SLC35F3: variants seen among roughly 807,000 people sequenced by gnomAD.
SLC35F3 encodes putative thiamine transporter SLC35F3.
In SLC35F3, 25 loss-of-function variants were observed where a neutral mutation model predicts 49.9. The ratio of observed to expected loss-of-function variants is 0.50; its 90% confidence interval spans 0.37 to 0.70. SLC35F3 has a LOEUF of 0.70. SLC35F3 is among the 30% of genes least tolerant of loss of function. The probability of loss-of-function intolerance (pLI) is 0.00; values close to 1 mark genes in which losing one functional copy is unlikely to be tolerated. For missense variants in SLC35F3, 525 were observed against 639.8 expected, an observed-to-expected ratio of 0.82 and a Z score of 1.94; for synonymous variants, 275 against 265.4, an observed-to-expected ratio of 1.04 and a Z score of -0.35.
At chr1:234,137,645 C>T (rs995844702) in intron 2 of SLC35F3, among the ~76,000 whole-genome samples, 1 of 152,168 alleles carries the variant, frequency 6.6e-6, no homozygotes, top group African/African-American at 2.4e-5. Context: ...TAAGAGGCAT[C>T]TTCGTGTCGT....
chr1:234,059,653 TAGACATAGACATAGACATAGACATAGAC>T lies in SLC35F3; in HGVS notation c.283+153913_283+153940del, dbSNP rs1325052694. On this transcript the variant is annotated intron_variant, in intron 2 of 7. Transcript: ENST00000366618. Reference sequence around the variant, plus strand: ...ATAGACATAGACATAGACATAGACATAGACATAGACATAGACATAGACATAGACAGACATAGACATAGACAAGCTTACT... The same window carrying T: ...ATAGACATAGACATAGACATAGACATAGACATAGACATAGACAAGCTTACT... Among the ~76,000 whole-genome samples, 244 of 151,608 alleles carry T rather than the reference TAGACATAGACATAGACATAGACATAGAC, an allele frequency of 1.6e-3. 2 individuals carry two copies. The highest frequency in any genetic ancestry group is 3.7e-4 in the Non-Finnish European group (25 of 67,890).
At chr1:234,004,132 C>T (rs1016658024) in intron 2 of SLC35F3, among the ~76,000 whole-genome samples, 10 of 152,020 alleles carry the variant, frequency 6.6e-5, no homozygotes, top group African/African-American at 1.9e-4. Context: ...CATAGATCCA[C>T]GTGGATACGA....
At chr1:233,947,882 C>T (rs560413331) in intron 2 of SLC35F3, among the ~76,000 whole-genome samples, 1 of 149,150 alleles carries the variant, frequency 6.7e-6, no homozygotes, top group South Asian at 2.2e-4. Context: ...TGTTCTTCCT[C>T]CAGCCCCATC....
rs1256740116 is a variant in SLC35F3, at chr1:234,214,384, G to A, written c.284-17033G>A. 1 of 1,362,962 alleles carries A rather than the reference G, an allele frequency of 7.3e-7. No homozygotes were observed. The highest frequency in any genetic ancestry group is 1.5e-5 in the African/African-American group (1 of 65,182). 84.4% of individuals were successfully genotyped at this position (1,362,962 alleles called of 1,614,324 possible). A position where few individuals can be genotyped will look rare whatever the true frequency, so the allele number is the denominator to read the frequency against. On this transcript the variant is annotated intron_variant, in intron 2 of 7. Coordinates refer to ENST00000366618, the MANE Select transcript of SLC35F3 (RefSeq NM_173508.4). This position sits in a 1 kb window ranked among gnomAD's most constrained non-coding sequence, Gnocchi z 8.0. The stretch of plus-strand genomic sequence containing the variant: ...CCGGGACTGAGAGGGGCGAGCCGCT[G>A]GTGCTCCCCGGCGGCAGAGGGCCGC...
chr1:234,267,719 G>C (rs1668014701), intron 3 of SLC35F3, among the ~76,000 whole-genome samples: 2 of 151,348 alleles, frequency 1.3e-5, no homozygotes, highest in Admixed American at 1.3e-4. Flanking sequence ...GCCGGACGGA[G>C]GGGCTCCTCA....
In SLC35F3 at chr1:234,214,727, G is replaced by A. The variant is rs937628964; in HGVS notation, c.284-16690G>A. ...CAGTGCAGAGCGCCGCCGCCTGCGT[G>A]GGGGGATCTGGCAGCTTCAGGGGCT... On this transcript the variant is annotated intron_variant, in intron 2 of 7. Coordinates refer to ENST00000366618, the MANE Select transcript of SLC35F3 (RefSeq NM_173508.4). This position sits in a 1 kb window ranked among gnomAD's most constrained non-coding sequence, Gnocchi z 8.0. 2.3e-5 allele frequency: 24 copies of A among 1,041,988 alleles called. No individual in the cohort carries two copies. The Admixed American group carries it at 4.4e-4, about 19-fold the overall frequency. 64.5% of individuals were successfully genotyped at this position (1,041,988 alleles called of 1,614,324 possible).
At chr1:234,280,148 T>C (rs1324868028) in intron 3 of SLC35F3, among the ~76,000 whole-genome samples, 1 of 152,196 alleles carries the variant, frequency 6.6e-6, no homozygotes, top group African/African-American at 2.4e-5. Context: ...TAACTAACAT[T>C]TCAATGGCAG....
chr1:233,988,931 G>A (rs955665287), intron 2 of SLC35F3, among the ~76,000 whole-genome samples: 5 of 152,190 alleles, frequency 3.3e-5, no homozygotes, highest in South Asian at 2.1e-4. Flanking sequence ...GTGGTGGAAA[G>A]CAAAGTTCTC....
intron 3 of SLC35F3, among the ~76,000 whole-genome samples, chr1:234,282,014 A>G (rs1415341573): frequency 2.0e-5 from 3 of 151,930 alleles, no homozygotes; most frequent in African/African-American, 7.3e-5. Flanking sequence ...GTCCCCTGGT[A>G]CGTCTTGTGA....
chr1:234,317,320 C>T (rs919808341), intron 5 of SLC35F3, among the ~76,000 whole-genome samples: 1 of 152,082 alleles, frequency 6.6e-6, no homozygotes, highest in African/African-American at 2.4e-5. Flanking sequence ...AATTTTTATT[C>T]CCACACTCAG....
At chr1:234,293,315 G>A (rs1050598774) in intron 3 of SLC35F3, among the ~76,000 whole-genome samples, 7 of 152,218 alleles carry the variant, frequency 4.6e-5, no homozygotes, top group African/African-American at 1.2e-4. Context: ...GGCAGCTTCC[G>A]GGGTGCAAGC....
intron 2 of SLC35F3, among the ~76,000 whole-genome samples, chr1:234,171,770 A>G (rs1666402547): frequency 6.6e-6 from 1 of 152,224 alleles, no homozygotes; most frequent in South Asian, 2.1e-4. Flanking sequence ...ACTGTAGAAT[A>G]ACTGTAGTTA....
At chr1:233,939,658 A>G (rs1205464140) in intron 2 of SLC35F3, among the ~76,000 whole-genome samples, 6 of 152,292 alleles carry the variant, frequency 3.9e-5, no homozygotes, top group East Asian at 3.9e-4. Context: ...AGTCGTTGCT[A>G]TAGCTGAGAG....
At chr1:234,185,585 G>C (rs2102925908) in intron 2 of SLC35F3, among the ~76,000 whole-genome samples, 1 of 152,324 alleles carries the variant, frequency 6.6e-6, no homozygotes, top group Non-Finnish European at 1.5e-5. Flanking sequence ...GCACTCCAGT[G>C]ACCTCTGTCC....
intron 2 of SLC35F3, among the ~76,000 whole-genome samples, chr1:234,066,809 C>G (rs1276269714): frequency 6.9e-6 from 1 of 145,484 alleles, no homozygotes; most frequent in Non-Finnish European, 1.5e-5. Context: ...TTGTCTCTCT[C>G]TGTCTCTGTC....
rs58983169 is a variant in SLC35F3 at position 233,981,402 on chromosome 1, A to G, written c.283+75644A>G. On this transcript the variant is annotated intron_variant, in intron 2 of 7. Coordinates refer to ENST00000366618, the MANE Select transcript of SLC35F3 (RefSeq NM_173508.4). ...TATTTCAAGAATGCTATACACATGG[A>G]ATCATATCGTATAATCTCATCTTCT... Among the ~76,000 whole-genome samples, 1,433 of 152,274 alleles carry G rather than the reference A, an allele frequency of 9.4e-3. 17 individuals are homozygous for G. The highest frequency in any genetic ancestry group is 0.033 in the African/African-American group (1,368 of 41,548).
intron 2 of SLC35F3, among the ~76,000 whole-genome samples, chr1:234,023,270 G>A (rs999936977): frequency 2.0e-5 from 3 of 152,166 alleles, no homozygotes; most frequent in Non-Finnish European, 4.4e-5. Context: ...TAGAGCTGAG[G>A]AAGAAATATA....
intron 2 of SLC35F3, among the ~76,000 whole-genome samples, chr1:233,946,796 G>A (rs984820537): frequency 6.6e-6 from 1 of 152,222 alleles, no homozygotes; most frequent in Non-Finnish European, 1.5e-5. Flanking sequence ...TGTGTAAATG[G>A]TGAAGATGAC....
chr1:234,296,408 A>C (rs560937190), intron 3 of SLC35F3, among the ~76,000 whole-genome samples: 1 of 152,282 alleles, frequency 6.6e-6, no homozygotes, highest in South Asian at 2.1e-4. Flanking sequence ...GCAATATTTT[A>C]ATGGACTCTT....
Sources: allele counts gnomAD v4.1 joint callset (sites outside exome capture counted in the v4.1 genomes callset), GRCh38; gene constraint gnomAD v4.1.1; non-coding constraint Gnocchi (gnomAD v3.1); transcripts MANE v1.5; gene names NCBI Gene and HGNC (gene_info 2026-07-23, HGNC 2026-07-21).